Variants in DGKB observed in about 807,000 individuals in gnomAD.
The protein encoded by DGKB is 90 kDa diacylglycerol kinase.
A neutral mutation model predicts 114.3 loss-of-function variants in DGKB; 67 were observed. That is an observed-to-expected ratio of 0.59 (90% CI 0.48 to 0.72). DGKB has a LOEUF of 0.72. DGKB is among the 30% of genes least tolerant of loss of function. DGKB has a pLI of 0.00. For missense variants in DGKB, 907 were observed against 975.2 expected, an observed-to-expected ratio of 0.93 and a Z score of 0.93; for synonymous variants, 398 against 323.1, an observed-to-expected ratio of 1.23 and a Z score of -2.49.
At chr7:14,247,963 T>C (rs1584714190) in intron 23 of DGKB, among the ~76,000 whole-genome samples, 2 of 152,142 alleles carry the variant, frequency 1.3e-5, no homozygotes, top group East Asian at 3.8e-4. Flanking sequence ...TGTTTTCTTC[T>C]AGCAGTTTCT....
At chr7:14,908,677 A>C (rs191259941) in intron 1 of DGKB, among the ~76,000 whole-genome samples, 1 of 152,240 alleles carries the variant, frequency 6.6e-6, no homozygotes, top group East Asian at 1.9e-4. Context: ...ATGTGACTTA[A>C]CCTTAGAGCT....
At chr7:14,752,506 C>T (rs185250864) in intron 4 of DGKB, among the ~76,000 whole-genome samples, 2 of 152,278 alleles carry the variant, frequency 1.3e-5, no homozygotes, top group East Asian at 3.9e-4. Context: ...GGAAATCCTA[C>T]ACTCAGAGAA....
At chr7:14,950,514 G>T (rs1786129475) in intron 1 of DGKB, among the ~76,000 whole-genome samples, 1 of 151,764 alleles carries the variant, frequency 6.6e-6, no homozygotes, top group South Asian at 2.1e-4. Context: ...ATTTTAGTTG[G>T]ATTGATCAAG....
intron 13 of DGKB, among the ~76,000 whole-genome samples, chr7:14,660,858 A>G (rs927951568): frequency 6.6e-6 from 1 of 152,080 alleles, no homozygotes; most frequent in Non-Finnish European, 1.5e-5. Context: ...AAACAGAGAT[A>G]TAGATCAATG....
intron 2 of DGKB, among the ~76,000 whole-genome samples, chr7:14,826,900 G>T (rs1273118096): frequency 1.3e-5 from 2 of 152,104 alleles, no homozygotes; most frequent in African/African-American, 4.8e-5. Context: ...TGTAAACACT[G>T]TTTGTCTTAA....
chr7:14,664,530 C>G (rs556729030), intron 13 of DGKB, among the ~76,000 whole-genome samples: 2 of 152,020 alleles, frequency 1.3e-5, no homozygotes, highest in African/African-American at 4.8e-5. Flanking sequence ...TATTTTCTCC[C>G]TCTCCAGCCT....
intron 21 of DGKB, among the ~76,000 whole-genome samples, chr7:14,449,967 T>C (rs992345252): frequency 8.6e-5 from 13 of 152,032 alleles, no homozygotes; most frequent in Non-Finnish European, 1.5e-4. Flanking sequence ...AACAAAGTAG[T>C]GAATTGTTTT....
chr7:14,438,116 T>C (rs1175124590), intron 21 of DGKB, among the ~76,000 whole-genome samples: 2 of 152,144 alleles, frequency 1.3e-5, no homozygotes, highest in Non-Finnish European at 2.9e-5. Context: ...AGTATCTATC[T>C]AAATCAAATA....
intron 1 of DGKB, among the ~76,000 whole-genome samples, chr7:14,963,764 C>A (rs1372493811): frequency 6.6e-6 from 1 of 152,050 alleles, no homozygotes; most frequent in Non-Finnish European, 1.5e-5. Context: ...TCTCAGCTAA[C>A]ATTTCTTGAG....
intron 23 of DGKB, among the ~76,000 whole-genome samples, chr7:14,292,139 A>C (rs1161150915): frequency 6.6e-6 from 1 of 152,212 alleles, no homozygotes; most frequent in Non-Finnish European, 1.5e-5. Context: ...GGGTTTAAAG[A>C]AATAATTGTG....
At chr7:14,735,741 A>T (rs1831609476) in intron 5 of DGKB, among the ~76,000 whole-genome samples, 1 of 152,230 alleles carries the variant, frequency 6.6e-6, no homozygotes, top group Non-Finnish European at 1.5e-5. Context: ...TCAGCAATCT[A>T]TACGTATCTA....
At chr7:14,835,514 T>C (rs1847029345) in intron 2 of DGKB, among the ~76,000 whole-genome samples, 1 of 152,190 alleles carries the variant, frequency 6.6e-6, no homozygotes, top group Non-Finnish European at 1.5e-5. Context: ...TTCTGTCTCA[T>C]ACAAAGAGGG....
chr7:14,237,756 G>T (rs897560850), intron 23 of DGKB, among the ~76,000 whole-genome samples: 9 of 151,876 alleles, frequency 5.9e-5, no homozygotes, highest in African/African-American at 2.2e-4. Flanking sequence ...CCGAAAAATA[G>T]ATCATCTTTT....
intron 5 of DGKB, among the ~76,000 whole-genome samples, chr7:14,733,355 A>C (rs1229705842): frequency 6.6e-6 from 1 of 152,190 alleles, no homozygotes; most frequent in East Asian, 1.9e-4. Context: ...AGCTTCTATC[A>C]ACATGTGATT....
At chr7:14,235,213 C>G (rs113506514) in intron 23 of DGKB, among the ~76,000 whole-genome samples, 2 of 152,010 alleles carry the variant, frequency 1.3e-5, no homozygotes, top group African/African-American at 4.8e-5. Flanking sequence ...GTCACATCTG[C>G]GGAGCCAAGA....
At chr7:14,902,136 G>C (rs1235938645) in intron 1 of DGKB, among the ~76,000 whole-genome samples, 2 of 152,140 alleles carry the variant, frequency 1.3e-5, no homozygotes, top group Non-Finnish European at 2.9e-5. Flanking sequence ...GTAAATCGAA[G>C]ACTTTTGTTT....
At chr7:14,641,170 T>C (rs1811708831) in intron 13 of DGKB, among the ~76,000 whole-genome samples, 2 of 152,172 alleles carry the variant, frequency 1.3e-5, no homozygotes, top group Non-Finnish European at 2.9e-5. Context: ...TAAAAATATT[T>C]TCCAAAATGG....
chr7:14,697,222 A>G (rs2129002224), intron 8 of DGKB, among the ~76,000 whole-genome samples: 1 of 152,306 alleles, frequency 6.6e-6, no homozygotes, highest in African/African-American at 2.4e-5. Context: ...TCTTTCTCTA[A>G]ACAATTTAAT....
chr7:14,653,197 C>T (rs1413769529), intron 13 of DGKB, among the ~76,000 whole-genome samples: 2 of 149,164 alleles, frequency 1.3e-5, no homozygotes, highest in African/African-American at 5.0e-5. Context: ...TATAAAGACA[C>T]ATGCACACGT....
Sources: allele counts gnomAD v4.1 joint callset (sites outside exome capture counted in the v4.1 genomes callset), GRCh38; gene constraint gnomAD v4.1.1; transcripts MANE v1.5; gene names NCBI Gene and HGNC (gene_info 2026-07-23, HGNC 2026-07-21).